Variants in SGCZ observed in about 807,000 individuals in gnomAD.
SGCZ encodes zeta-sarcoglycan.
In SGCZ, 40 loss-of-function variants were observed where a neutral mutation model predicts 41.3. The ratio of observed to expected loss-of-function variants is 0.97; its 90% CI spans 0.75 to 1.26. The LOEUF is 1.26. Ranked by LOEUF, SGCZ falls within the 50% of genes most tolerant of loss-of-function variation. The pLI is 0.00. For synonymous variants in SGCZ, 206 were observed against 137.5 expected (o/e 1.50, Z -3.49); for missense variants, 552 against 369.8 (o/e 1.49, Z -4.04).
intron 1 of SGCZ, among the ~76,000 whole-genome samples, chr8:14,892,907 A>C (rs1478820667): frequency 6.6e-6 from 1 of 152,194 alleles, no homozygotes. Context: ...GGCACTGCTT[A>C]GACCAAGAAG....
At chr8:14,266,692 T>A (rs1010842677) in intron 3 of SGCZ, among the ~76,000 whole-genome samples, 1 of 152,096 alleles carries the variant, frequency 6.6e-6, no homozygotes, top group Non-Finnish European at 1.5e-5. Context: ...TATCTTATCC[T>A]AAGCAAAGAT....
chr8:14,183,931 C>T (rs1437297800), intron 4 of SGCZ, among the ~76,000 whole-genome samples: 1 of 151,910 alleles, frequency 6.6e-6, no homozygotes, highest in African/African-American at 2.4e-5. Flanking sequence ...AAAAAAATTC[C>T]AAAGAATCCA....
intron 1 of SGCZ, among the ~76,000 whole-genome samples, chr8:15,157,260 G>A (rs1799358539): frequency 1.3e-5 from 2 of 151,670 alleles, no homozygotes; most frequent in Non-Finnish European, 2.9e-5. Context: ...TGGCTAGGCA[G>A]GGTGGCTCAT....
intron 1 of SGCZ, among the ~76,000 whole-genome samples, chr8:14,560,807 A>T (rs1351429531): frequency 6.6e-6 from 1 of 152,128 alleles, no homozygotes; most frequent in East Asian, 1.9e-4. Context: ...AATGCCTCTA[A>T]CAATTTTGAC....
chr8:15,156,773 G>A (rs761914386), intron 1 of SGCZ, among the ~76,000 whole-genome samples: 17 of 151,798 alleles, frequency 1.1e-4, no homozygotes, highest in African/African-American at 1.7e-4. Flanking sequence ...GTGAAACCCC[G>A]TTGCTATTAA....
chr8:15,097,705 C>T (rs530560776), intron 1 of SGCZ, among the ~76,000 whole-genome samples: 24 of 147,638 alleles, frequency 1.6e-4, no homozygotes, highest in African/African-American at 4.8e-4. Flanking sequence ...TTACTGTCTA[C>T]GCGACAGAGT....
At chr8:14,448,786 T>C (rs1800507817) in intron 2 of SGCZ, among the ~76,000 whole-genome samples, 1 of 152,150 alleles carries the variant, frequency 6.6e-6, no homozygotes, top group Admixed American at 6.6e-5. Context: ...CAGTTCAACG[T>C]CTGCCCTACC....
At chr8:14,708,096 A>C (rs189407634) in intron 1 of SGCZ, among the ~76,000 whole-genome samples, 152 of 152,150 alleles carry the variant, frequency 1.0e-3, no homozygotes, top group Non-Finnish European at 1.5e-3. Flanking sequence ...CCATAATTTC[A>C]AGTTAATTTT....
chr8:14,560,862 A>C (rs1209605871), intron 1 of SGCZ, among the ~76,000 whole-genome samples: 1 of 146,894 alleles, frequency 6.8e-6, no homozygotes. Flanking sequence ...TTGTGAAAAA[A>C]ACAAAACACA....
chr8:14,361,708 A>G (rs536434557), intron 2 of SGCZ, among the ~76,000 whole-genome samples: 4 of 152,278 alleles, frequency 2.6e-5, no homozygotes, highest in African/African-American at 9.6e-5. Context: ...TTCTCCGTCC[A>G]GTTTTGTTCC....
In SGCZ at chr8:15,005,395, G is replaced by C. The variant is rs6984132; in HGVS notation, c.39+232190C>G. Among the ~76,000 whole-genome samples the C allele has an allele frequency of 3.5e-5, 5 of 144,186 alleles. No individual in the cohort carries two copies. The East Asian group carries it at 6.5e-4, about 19-fold the overall frequency. 94.6% of individuals were successfully genotyped at this position (144,186 alleles called of 152,430 possible). On this transcript the variant is annotated intron_variant, in intron 1 of 7. Transcript: ENST00000382080. ...TGCCCAGGCTGGAGTGCAGTGGCGTGATCTCGGCTCATCACAACCTCTGCC... is the reference window on the plus strand; with the variant it reads ...TGCCCAGGCTGGAGTGCAGTGGCGTCATCTCGGCTCATCACAACCTCTGCC...
At chr8:15,122,641 G>A (rs903125642) in intron 1 of SGCZ, among the ~76,000 whole-genome samples, 3 of 152,142 alleles carry the variant, frequency 2.0e-5, no homozygotes, top group Non-Finnish European at 4.4e-5. Flanking sequence ...CCCTCTCCAT[G>A]TTAGATGCCT....
chr8:14,099,511 G>T (rs1275505283), intron 7 of SGCZ, among the ~76,000 whole-genome samples: 2 of 152,094 alleles, frequency 1.3e-5, no homozygotes, highest in African/African-American at 4.8e-5. Context: ...AGGATCACGA[G>T]GTCAGGAGTT....
At chr8:14,289,173 G>A (rs13257327) in intron 3 of SGCZ, among the ~76,000 whole-genome samples, 20,782 of 150,320 alleles carry the variant, frequency 0.14, 1,610 homozygotes, top group Admixed American at 0.21. Flanking sequence ...GGATGTTAGA[G>A]TTTTATCAGA....
In SGCZ at chr8:14,574,673, A is replaced by G. The variant is rs1269203877; in HGVS notation, c.40-19747T>C. On this transcript the variant is annotated intron_variant, in intron 1 of 7. Coordinates refer to ENST00000382080, the MANE Select transcript of SGCZ (RefSeq NM_139167.4). ...CTTACACTGTATCTTTGGGGCTTCA[A>G]TCTGAACACTCCATGGTCATGTAAA... 4.6e-5 allele frequency among the ~76,000 whole-genome samples: 7 copies of G among 152,200 alleles called. No individual in the cohort carries two copies. In the South Asian group the frequency reaches 6.2e-4, roughly 14 times the overall value.
intron 1 of SGCZ, among the ~76,000 whole-genome samples, chr8:15,108,319 C>T (rs761984187): frequency 6.6e-6 from 1 of 152,122 alleles, no homozygotes; most frequent in Non-Finnish European, 1.5e-5. Context: ...TTTTATCAAA[C>T]GCAGAGGTAG....
chr8:15,190,580 G>T (rs751277370), intron 1 of SGCZ, among the ~76,000 whole-genome samples: 17 of 151,950 alleles, frequency 1.1e-4, no homozygotes, highest in African/African-American at 3.6e-4. Context: ...CTTTCAGCAC[G>T]AAAGAATGGT....
intron 2 of SGCZ, among the ~76,000 whole-genome samples, chr8:14,512,303 A>G (rs937318602): frequency 3.9e-5 from 6 of 152,164 alleles, no homozygotes; most frequent in Admixed American, 3.9e-4. Flanking sequence ...TTATACCTTA[A>G]GAAGATCACA....
intron 1 of SGCZ, among the ~76,000 whole-genome samples, chr8:14,566,421 T>C (rs1232518419): frequency 6.6e-6 from 1 of 150,692 alleles, no homozygotes; most frequent in African/African-American, 2.4e-5. Context: ...CTGGGTCGAT[T>C]CCCTACTGAG....
Sources: gnomAD v4.1 joint callset for allele counts (sites outside exome capture counted in the v4.1 genomes callset) on GRCh38, gnomAD v4.1.1 for gene constraint, MANE v1.5 for transcripts, NCBI Gene and HGNC (gene_info 2026-07-23, HGNC 2026-07-21) for gene names.